YAE1: variants seen among roughly 807,000 people sequenced by gnomAD.
The protein encoded by YAE1 is YAE1 maturation factor of ABCE1.
In YAE1, 22 loss-of-function variants were observed where a neutral mutation model predicts 23.0. The observed-to-expected ratio is 0.96, with a 90% CI of 0.68 to 1.37. The LOEUF (loss-of-function observed/expected upper bound fraction) is 1.37. YAE1 is among the 40% of genes most tolerant of loss of function. The pLI is 0.00. For synonymous variants in YAE1, 101 were observed against 97.0 expected (o/e 1.04, Z -0.24); for missense variants, 260 against 262.1 (o/e 0.99, Z 0.06).
chr7:39,579,066 C>T (rs1356838976), intron 2 of YAE1, among the ~76,000 whole-genome samples: 1 of 152,122 alleles, frequency 6.6e-6, no homozygotes. Context: ...CAGTAAGGAG[C>T]TGGAGGAAAA....
At chr7:39,578,458 A>C (rs928739947) in intron 2 of YAE1, among the ~76,000 whole-genome samples, 6 of 152,200 alleles carry the variant, frequency 3.9e-5, no homozygotes. Context: ...TTTGCAATAA[A>C]TCTTTCTGCT....
chr7:39,606,368 G>C (rs1295612008), intron 2 of YAE1, among the ~76,000 whole-genome samples: 2 of 152,232 alleles, frequency 1.3e-5, no homozygotes, highest in African/African-American at 4.8e-5. Flanking sequence ...GAATGCTAGT[G>C]TATTAAACAC....
At chr7:39,575,961 T>G (rs79382458), downstream of YAE1, among the ~76,000 whole-genome samples, 5,328 of 152,308 alleles carry the variant, frequency 0.035, 145 homozygotes, top group Non-Finnish European at 0.053. Flanking sequence ...CGCTCATTAC[T>G]ATTCCCTATC....
chr7:39,593,893 G>A (rs1446111678), intron 2 of YAE1, among the ~76,000 whole-genome samples: 1 of 152,156 alleles, frequency 6.6e-6, no homozygotes, highest in Non-Finnish European at 1.5e-5. Context: ...AATATATGAA[G>A]CATTCTGTGG....
chr7:39,611,443 A>T (rs1051450802), downstream of YAE1, among the ~76,000 whole-genome samples: 3 of 152,226 alleles, frequency 2.0e-5, no homozygotes, highest in Non-Finnish European at 2.9e-5. Context: ...GCTCGGGGGC[A>T]TAAGGTAGGT....
chr7:39,591,565 G>GA (rs1367281106), intron 2 of YAE1, among the ~76,000 whole-genome samples: 1 of 151,856 alleles, frequency 6.6e-6, no homozygotes, highest in Non-Finnish European at 1.5e-5. Context: ...TTGAACAGAA[G>GA]ATTCAGACAG....
At chr7:39,599,631 A>G (rs1791027123) in intron 2 of YAE1, among the ~76,000 whole-genome samples, 1 of 152,096 alleles carries the variant, frequency 6.6e-6, no homozygotes, top group Non-Finnish European at 1.5e-5. Context: ...GAATTATAGT[A>G]AGTTAATTAA....
At chr7:39,599,748 T>C (rs1312772672) in intron 2 of YAE1, among the ~76,000 whole-genome samples, 2 of 151,918 alleles carry the variant, frequency 1.3e-5, no homozygotes, top group African/African-American at 4.8e-5. Context: ...ATTTATTTAT[T>C]TTTGGGATGG....
chr7:39,570,364 G>T lies in YAE1; in HGVS notation c.130-142G>T, dbSNP rs978869360. ...CTTAGGAGAAGCATAGTCTGCTTTA[G>T]TTATATTGTTATGCCATATTATGGT... On this transcript the variant is annotated intron_variant, in intron 1 of 2. Transcript: ENST00000223273. 1.4e-5 allele frequency: 13 copies of T among 946,546 alleles called. No individual in the cohort carries two copies. The African/African-American group carries it at 2.2e-4, about 16-fold the overall frequency. 58.6% of individuals were successfully genotyped at this position (946,546 alleles called of 1,614,324 possible).
At chr7:39,601,742 G>C (rs4469364) in intron 2 of YAE1, among the ~76,000 whole-genome samples, 99,340 of 146,600 alleles carry the variant, frequency 0.68, 34,609 homozygotes, top group East Asian at 0.77. Context: ...CTGGATGACA[G>C]AGCCAGACTC....
chr7:39,580,554 C>T (rs559903138), intron 2 of YAE1, among the ~76,000 whole-genome samples: 11 of 152,242 alleles, frequency 7.2e-5, no homozygotes, highest in Admixed American at 6.5e-4. Context: ...ACCTTTGGAT[C>T]CTCTTTCTTT....
chr7:39,610,746 G>A (rs139094979), downstream of YAE1, among the ~76,000 whole-genome samples: 214 of 152,312 alleles, frequency 1.4e-3, no homozygotes, highest in African/African-American at 5.0e-3. Flanking sequence ...GTCTACAGAA[G>A]ATACTTAATG....
chr7:39,605,786 T>G (rs987605186), intron 2 of YAE1, among the ~76,000 whole-genome samples: 1 of 152,180 alleles, frequency 6.6e-6, no homozygotes, highest in Non-Finnish European at 1.5e-5. Flanking sequence ...GGCTGAGAAC[T>G]TCTCCCAAAG....
At chr7:39,601,558 G>C (rs1019461326) in intron 2 of YAE1, among the ~76,000 whole-genome samples, 1 of 151,962 alleles carries the variant, frequency 6.6e-6, no homozygotes, top group Non-Finnish European at 1.5e-5. Flanking sequence ...TCAGGAGTTC[G>C]AGATCAGCTT....
At chr7:39,590,633 T>C (rs1790888793) in intron 2 of YAE1, among the ~76,000 whole-genome samples, 1 of 152,242 alleles carries the variant, frequency 6.6e-6, no homozygotes. Flanking sequence ...CATATGTGCC[T>C]TATACACATA....
At chr7:39,603,458 G>A (rs760849473) in intron 2 of YAE1, among the ~76,000 whole-genome samples, 3 of 152,112 alleles carry the variant, frequency 2.0e-5, no homozygotes, top group African/African-American at 4.8e-5. Flanking sequence ...GTTTTGATAT[G>A]CAAAAGTAAA....
At chr7:39,583,823 A>G (rs1482636390) in intron 2 of YAE1, among the ~76,000 whole-genome samples, 4 of 152,226 alleles carry the variant, frequency 2.6e-5, no homozygotes, top group Non-Finnish European at 1.5e-5. Flanking sequence ...TTTACAGGTC[A>G]GTTCACTTTC....
intron 2 of YAE1, among the ~76,000 whole-genome samples, chr7:39,597,804 T>A (rs1203645622): frequency 6.6e-6 from 1 of 152,118 alleles, no homozygotes; most frequent in Non-Finnish European, 1.5e-5. Flanking sequence ...GATGCTGGTT[T>A]TTGTCCCAGA....
chr7:39,610,206 G>C (rs1052240621), exon 3 of YAE1: 3 of 623,014 alleles, frequency 4.8e-6, no homozygotes, highest in Admixed American at 2.9e-5. Context: ...AGAGCAATAC[G>C]AGTCGTTTGT....
Sources: gnomAD v4.1 joint callset for allele counts (sites outside exome capture counted in the v4.1 genomes callset) on GRCh38, gnomAD v4.1.1 for gene constraint, MANE v1.5 for transcripts, NCBI Gene and HGNC (gene_info 2026-07-23, HGNC 2026-07-21) for gene names.